The following WDPCP variants were observed in gnomAD, a reference collection of about 807,000 sequenced individuals.
WDPCP encodes WD repeat containing planar cell polarity effector.
Under a neutral mutation model 93.1 loss-of-function variants are expected in WDPCP, and 71 were observed. The ratio of observed to expected loss-of-function variants is 0.76; its 90% CI spans 0.63 to 0.93. The LOEUF is 0.93. Among genes scored for constraint, WDPCP ranks in the 40% least tolerant of loss-of-function variants. The probability of loss-of-function intolerance (pLI) is 0.00; values close to 1 mark genes in which losing one functional copy is unlikely to be tolerated. For missense variants in WDPCP, 844 were observed against 887.4 expected (o/e 0.95, Z 0.62); for synonymous variants, 315 against 315.0 (o/e 1.00, Z 0.00).
At chr2:63,606,997 G>T in intron 3 of WDPCP, 1 of 1,606,886 alleles carries the variant, frequency 6.2e-7, no homozygotes, top group South Asian at 1.1e-5. Flanking sequence ...ACTAGACAAT[G>T]ATGTTACTAA....
intron 10 of WDPCP, among the ~76,000 whole-genome samples, chr2:63,389,608 G>C (rs999576694): frequency 6.6e-6 from 1 of 152,030 alleles, no homozygotes; most frequent in Non-Finnish European, 1.5e-5. Flanking sequence ...AGACAAACTG[G>C]AAAAAGAGTC....
chr2:63,746,896 T>G (rs1669806329), intron 2 of WDPCP, among the ~76,000 whole-genome samples: 1 of 152,148 alleles, frequency 6.6e-6, no homozygotes, highest in African/African-American at 2.4e-5. Flanking sequence ...GCATGTGATC[T>G]CTGTGACCCA....
intron 10 of WDPCP, among the ~76,000 whole-genome samples, chr2:63,385,136 A>G (rs2104940869): frequency 6.6e-6 from 1 of 152,220 alleles, no homozygotes; most frequent in Non-Finnish European, 1.5e-5. Context: ...CACTTAATAT[A>G]TCTCAGCAGA....
At chr2:63,690,039 T>C (rs1668868109) in intron 2 of WDPCP, among the ~76,000 whole-genome samples, 1 of 152,158 alleles carries the variant, frequency 6.6e-6, no homozygotes, top group Admixed American at 6.5e-5. Context: ...TACCCCTGAA[T>C]GAGTGTTTAA....
chr2:63,725,711 A>AT (rs1199838836), intron 2 of WDPCP, among the ~76,000 whole-genome samples: 7 of 152,016 alleles, frequency 4.6e-5, no homozygotes, highest in Admixed American at 2.6e-4. Flanking sequence ...AGCATCTGTT[A>AT]TTTTTTTGAC....
intron 2 of WDPCP, among the ~76,000 whole-genome samples, chr2:63,660,100 C>T (rs1710209688): frequency 6.6e-6 from 1 of 152,038 alleles, no homozygotes; most frequent in South Asian, 2.1e-4. Context: ...TAAATGTAGC[C>T]TTTTATCTTT....
chr2:63,296,006 C>T (rs1296423194), intron 13 of WDPCP, among the ~76,000 whole-genome samples: 1 of 151,730 alleles, frequency 6.6e-6, no homozygotes, highest in Non-Finnish European at 1.5e-5. Flanking sequence ...TAATACAGGC[C>T]AGTATTCCTA....
Position 63,602,934 on chromosome 2 carries a change from C to CTTTTTTTTTTTTTTTTTTT in WDPCP, n.488+47706_488+47724dup, listed in dbSNP as rs370479356. On this transcript the variant is annotated intron_variant and non_coding_transcript_variant, in intron 3 of 4. Coordinates refer to the WDPCP transcript ENST00000467687. ...ACATAATACAGTTTATTTAACCGTTCTTTTTTTTTTTTTTTTTTTTTTTTT... is the reference window on the plus strand; with the variant it reads ...ACATAATACAGTTTATTTAACCGTTCTTTTTTTTTTTTTTTTTTTTTTTTTTTTTTTTTTTTTTTTTTTT... Among the ~76,000 whole-genome samples, 7 of 131,618 alleles carry CTTTTTTTTTTTTTTTTTTT rather than the reference C, an allele frequency of 5.3e-5. 1 individual carries two copies. The highest frequency in any genetic ancestry group is 4.0e-3 in the Middle Eastern group (1 of 250). 86.3% of individuals were successfully genotyped at this position (131,618 alleles called of 152,430 possible).
At chr2:63,430,687 T>A (rs1306783261) in intron 9 of WDPCP, among the ~76,000 whole-genome samples, 1 of 152,094 alleles carries the variant, frequency 6.6e-6, no homozygotes, top group East Asian at 1.9e-4. Flanking sequence ...ATCGAGACCA[T>A]CCTGGCCAAC....
At chr2:63,338,736 A>T (rs1251226142) in intron 12 of WDPCP, among the ~76,000 whole-genome samples, 8 of 150,882 alleles carry the variant, frequency 5.3e-5, no homozygotes, top group Admixed American at 4.6e-4. Flanking sequence ...CCATTGGTTT[A>T]TGTGTCTGTT....
intron 1 of WDPCP, among the ~76,000 whole-genome samples, chr2:63,526,493 G>C (rs1703346934): frequency 6.6e-6 from 1 of 152,162 alleles, no homozygotes; most frequent in Non-Finnish European, 1.5e-5. Flanking sequence ...AAAGGTTAAA[G>C]ATATCAGAAC....
At chr2:63,592,553 C>T (rs1709220084), upstream of WDPCP, among the ~76,000 whole-genome samples, 1 of 152,256 alleles carries the variant, frequency 6.6e-6, no homozygotes, top group Admixed American at 6.5e-5. Context: ...ACTATGTAGC[C>T]CAGGCTGGTC....
chr2:63,190,762 A>G (rs1162427225), intron 14 of WDPCP, among the ~76,000 whole-genome samples: 1 of 152,134 alleles, frequency 6.6e-6, no homozygotes, highest in Non-Finnish European at 1.5e-5. Flanking sequence ...CACCTACTAA[A>G]CAAAGCTTAA....
At chr2:63,211,202 C>T (rs188955396) in intron 14 of WDPCP, among the ~76,000 whole-genome samples, 4 of 152,344 alleles carry the variant, frequency 2.6e-5, no homozygotes, top group East Asian at 1.9e-4. Context: ...TGGGAGGCAT[C>T]GCTGAGTAGG....
intron 1 of WDPCP, among the ~76,000 whole-genome samples, chr2:63,582,552 A>G (rs1292861174): frequency 2.6e-5 from 4 of 152,162 alleles, no homozygotes; most frequent in African/African-American, 9.7e-5. Flanking sequence ...CTATAAACCT[A>G]TGGATCCAAG....
chr2:63,152,602 CCCTTCTA>C (rs1173518220), intron 17 of WDPCP, among the ~76,000 whole-genome samples: 22 of 152,142 alleles, frequency 1.4e-4, no homozygotes, highest in South Asian at 2.1e-4. Context: ...TCACCTATAT[CCCTTCTA>C]CTTTCTCCCT....
chr2:63,182,254 C>T (rs1674301567), intron 14 of WDPCP, among the ~76,000 whole-genome samples: 1 of 151,842 alleles, frequency 6.6e-6, no homozygotes, highest in Non-Finnish European at 1.5e-5. Flanking sequence ...TCAAATTTTC[C>T]CTGTTTAGTA....
At chr2:63,233,433 G>A (rs1475138094) in intron 14 of WDPCP, 2 of 204,546 alleles carry the variant, frequency 9.8e-6, no homozygotes, top group East Asian at 2.4e-4. Flanking sequence ...CCTCTACAAA[G>A]TTCTAATGGA....
intron 12 of WDPCP, among the ~76,000 whole-genome samples, chr2:63,346,769 GAACTCCAACT>G (rs1348582471): frequency 6.6e-6 from 1 of 152,114 alleles, no homozygotes; most frequent in Non-Finnish European, 1.5e-5. Context: ...CATCTTCCCT[GAACTCCAACT>G]AACTCAAAAA....
Sources: allele counts gnomAD v4.1 joint callset (sites outside exome capture counted in the v4.1 genomes callset), GRCh38; gene constraint gnomAD v4.1.1; transcripts MANE v1.5; gene names NCBI Gene and HGNC (gene_info 2026-07-23, HGNC 2026-07-21).